EOGT: variants seen among roughly 807,000 people sequenced by gnomAD.
The protein encoded by EOGT is EGF domain-specific O-linked N-acetylglucosamine transferase.
A neutral mutation model predicts 70.5 loss-of-function variants in EOGT; 55 were observed. The ratio of observed to expected loss-of-function variants is 0.78; its 90% CI spans 0.63 to 0.98. The LOEUF (loss-of-function observed/expected upper bound fraction) is 0.98. Ranked by LOEUF, EOGT falls within the 50% of genes least tolerant of loss-of-function variation. EOGT has a pLI of 0.00. For synonymous variants in EOGT, 246 were observed against 217.1 expected (o/e 1.13, Z -1.17); for missense variants, 703 against 641.9 (o/e 1.10, Z -1.03).
intron 9 of EOGT, 24 bp from the exon 10 acceptor site, chr3:68,998,138 A>AT (rs1429322927): frequency 1.5e-5 from 19 of 1,232,752 alleles, no homozygotes; most frequent in Non-Finnish European, 2.1e-5. Context: ...ATGAAACTAC[A>AT]TTAATTAACA....
chr3:68,988,437 G>A, intron 12 of EOGT, 56 bp from the exon 13 acceptor site: 2 of 1,490,066 alleles, frequency 1.3e-6, no homozygotes, highest in Non-Finnish European at 1.8e-6. Context: ...TATAATTTAA[G>A]ATACTGTCAA....
In EOGT at chr3:68,989,360, C is replaced by T. The variant is rs536176126; in HGVS notation, c.832-343G>A. ...ATACACACAACACACACTATGCCAC[C>T]GTTTACACACACTCTTATGCTCAGT... On this transcript the variant is annotated intron_variant, in intron 10 of 17. Coordinates refer to ENST00000383701, the MANE Select transcript of EOGT (RefSeq NM_001278689.2). Among the ~76,000 whole-genome samples, 107 of 152,236 alleles carry T rather than the reference C, an allele frequency of 7.0e-4. 1 individual carries two copies. The highest frequency in any genetic ancestry group is 1.5e-3 in the South Asian group (7 of 4,822).
chr3:68,992,226 T>A (rs2091012746), intron 10 of EOGT, among the ~76,000 whole-genome samples: 1 of 152,324 alleles, frequency 6.6e-6, no homozygotes, highest in East Asian at 1.9e-4. Flanking sequence ...AAGTCTCATC[T>A]GAGACAAGGC....
chr3:68,989,297 C>T (rs554640822), intron 10 of EOGT, among the ~76,000 whole-genome samples: 3 of 152,190 alleles, frequency 2.0e-5, no homozygotes, highest in African/African-American at 7.2e-5. Context: ...CTTTGTAGTT[C>T]AGGGCTTTTT....
chr3:68,977,629 C>A lies in EOGT; in HGVS notation c.1573G>T (p.Asp525Tyr), dbSNP rs755431954. The change falls in exon 18 of 18, where the codon GAT (aspartate) becomes TAT (tyrosine). Residue 525 changes from aspartate (D) to tyrosine (Y), a missense_variant. By Grantham distance (160) the Asp-to-Tyr change is radical (BLOSUM62 -3). Coordinates refer to ENST00000383701, the MANE Select transcript of EOGT (RefSeq NM_001278689.2). Reference sequence around the variant, plus strand: ...CAGACTCAGCATATTTATAGCTCATCATGTTTCTTCTTAAATGGCCACTTT... The same window carrying A: ...CAGACTCAGCATATTTATAGCTCATAATGTTTCTTCTTAAATGGCCACTTT... Reference protein sequence around the residue: ...HPKWPFKKKHDEL With the variant: ...HPKWPFKKKHYEL 6 of 1,613,808 alleles carry A rather than the reference C, an allele frequency of 3.7e-6. No individual in the cohort carries two copies. In the East Asian group the frequency reaches 1.1e-4, roughly 30 times the overall value.
At chr3:68,989,670 C>T (rs577417472) in intron 10 of EOGT, among the ~76,000 whole-genome samples, 1 of 150,758 alleles carries the variant, frequency 6.6e-6, no homozygotes, top group South Asian at 2.1e-4. Flanking sequence ...ATCACTTGAA[C>T]CTGGGAGGCG....
Position 68,988,960 on chromosome 3 carries a change from C to T in EOGT, c.889G>A (p.Asp297Asn). 2.0e-6 allele frequency: 3 copies of T among 1,531,938 alleles called. No homozygotes were observed. Among genetic ancestry groups the T allele is most frequent in the African/African-American group, 2.7e-5 (2 of 72,974 alleles). 94.9% of individuals were successfully genotyped at this position (1,531,938 alleles called of 1,614,324 possible). A position where few individuals can be genotyped will look rare whatever the true frequency, so the allele number is the denominator to read the frequency against. The change falls in exon 11 of 18, where the codon GAC becomes AAC. Residue 297 changes from aspartate to asparagine, a missense_variant. Transcript: ENST00000383701. The stretch of plus-strand genomic sequence containing the variant: ...TCATAAGTTTTCAAATGTATAACGT[C>T]ATAATCAGTAAATGCATTCCATGTG... ...SDTWNAFTDY[D>N]VIHLKTYDSK... is the part of the protein sequence containing the mutation.
At chr3:69,006,563 G>A (rs1031705268) in intron 6 of EOGT, among the ~76,000 whole-genome samples, 24 of 152,250 alleles carry the variant, frequency 1.6e-4, no homozygotes, top group Middle Eastern at 6.8e-3. Context: ...GCCCTTGGCC[G>A]GGAACCAGGC....
chr3:68,977,050 C>T lies in EOGT; in HGVS notation c.*568G>A, dbSNP rs1480393229. 1 of 152,674 alleles carries T rather than the reference C, an allele frequency of 6.5e-6. No individual in the cohort carries two copies. The highest frequency in any genetic ancestry group is 1.5e-5 in the Non-Finnish European group (1 of 68,430). The allele number at this position is 152,674 out of a possible 1,614,324, so 9.5% of individuals were successfully genotyped here. A position where few individuals can be genotyped will look rare whatever the true frequency, so the allele number is the denominator to read the frequency against. On this transcript the variant is annotated 3_prime_UTR_variant, in exon 18 of 18. Coordinates refer to ENST00000383701, the MANE Select transcript of EOGT (RefSeq NM_001278689.2). ...TGGTGCACGCCTGTAATCCCAGCTA[C>T]TTGGGAGGCTAAGGCACAAGAATCA...
chr3:69,001,708 A>G lies in EOGT; in HGVS notation c.627T>C (p.Ala209=). 6.2e-7 allele frequency: 1 copy of G among 1,605,798 alleles called. No individual in the cohort carries two copies. The highest frequency in any genetic ancestry group is 8.5e-7 in the Non-Finnish European group (1 of 1,174,438). The change falls in exon 9 of 18, where the codon GCT becomes GCC. Residue 209 remains alanine, a synonymous_variant. Transcript: ENST00000383701. ...TGAGCTGAGTATAGCTTTGTAGCTC[A>G]GCAAACCTGAAATTATGAATTGGGA... ...QRKSPLQSWF[A]ELQSYTQLNF...
chr3:68,992,321 T>C (rs773807464), intron 10 of EOGT, among the ~76,000 whole-genome samples: 3 of 152,154 alleles, frequency 2.0e-5, no homozygotes, highest in Non-Finnish European at 4.4e-5. Context: ...ATTGGGTAAT[T>C]ACAGCCGTTC....
intron 9 of EOGT, 82 bp from the exon 10 acceptor site, chr3:68,998,196 CAGTTTAAGAGAATTTT>C: frequency 1.3e-6 from 1 of 761,240 alleles, no homozygotes. Context: ...CATCTATTTA[CAGTTTAAGAGAATTTT>C]AGTTTAAATA....
intron 13 of EOGT, 72 bp from the exon 14 acceptor site, chr3:68,987,585 A>C: frequency 8.7e-7 from 1 of 1,148,344 alleles, no homozygotes; most frequent in Non-Finnish European, 1.3e-6. Flanking sequence ...TGAACCCAAA[A>C]TGTGATTTTC....
At chr3:68,992,328 G>T (rs553586871) in intron 10 of EOGT, among the ~76,000 whole-genome samples, 3 of 152,234 alleles carry the variant, frequency 2.0e-5, no homozygotes, top group African/African-American at 7.2e-5. Flanking sequence ...AATTACAGCC[G>T]TTCCAAATGG....
chr3:69,010,342 T>C (rs2091546871), intron 3 of EOGT, among the ~76,000 whole-genome samples: 1 of 152,260 alleles, frequency 6.6e-6, no homozygotes, highest in Non-Finnish European at 1.5e-5. Flanking sequence ...TGAGGCTGTG[T>C]TCCAATAAAA....
Position 68,977,189 on chromosome 3 carries a change from T to TAGATCTC in EOGT, c.*428_*429insGAGATCT. The TAGATCTC allele has an allele frequency of 6.2e-6, 1 of 160,316 alleles. No homozygotes were observed. The highest frequency in any genetic ancestry group is 1.3e-5 in the Non-Finnish European group (1 of 75,738). 9.9% of individuals were successfully genotyped at this position (160,316 alleles called of 1,614,324 possible). On this transcript the variant is annotated 3_prime_UTR_variant, in exon 18 of 18. Transcript: ENST00000383701. ...ACAACAACAAAAATTTAGCCAGGTGTGGTGGTGCAGGCTGCAATCCCAGCT... is the reference window on the plus strand; with the variant it reads ...ACAACAACAAAAATTTAGCCAGGTGTAGATCTCGGTGGTGCAGGCTGCAATCCCAGCT...
At chr3:68,992,715 T>A (rs553436792) in intron 10 of EOGT, among the ~76,000 whole-genome samples, 1 of 152,222 alleles carries the variant, frequency 6.6e-6, no homozygotes, top group African/African-American at 2.4e-5. Flanking sequence ...CCTTCCACAC[T>A]GCCTTAGCAG....
At chr3:68,999,597 C>G (rs7611878) in intron 9 of EOGT, among the ~76,000 whole-genome samples, 125,951 of 152,142 alleles carry the variant, frequency 0.83, 52,285 homozygotes, top group African/African-American at 0.86. Context: ...TTTTCAGCCT[C>G]GTATCTTAGC....
intron 11 of EOGT, 40 bp downstream of exon 11, chr3:68,988,885 C>G (rs2090895714): frequency 8.7e-7 from 1 of 1,150,772 alleles, no homozygotes; most frequent in Middle Eastern, 1.9e-4. Context: ...CATCTGCACT[C>G]AAGAAATATT....
Sources: allele counts gnomAD v4.1 joint callset (sites outside exome capture counted in the v4.1 genomes callset), GRCh38; gene constraint gnomAD v4.1.1; transcripts MANE v1.5; gene names NCBI Gene and HGNC (gene_info 2026-07-23, HGNC 2026-07-21).